Variants in DPP10 observed in about 807,000 individuals in gnomAD.
DPP10 encodes inactive dipeptidyl peptidase 10.
In DPP10, 33 loss-of-function variants were observed where a neutral mutation model predicts 120.9. That is an observed-to-expected ratio of 0.27 (90% CI 0.21 to 0.37). The LOEUF (loss-of-function observed/expected upper bound fraction) is 0.37, where lower values mean the gene tolerates loss of function less well. Ranked by LOEUF, DPP10 falls within the 10% of genes least tolerant of loss-of-function variation. DPP10 has a pLI of 1.00. For missense variants in DPP10, 816 were observed against 942.8 expected (o/e 0.87, Z 1.76); for synonymous variants, 337 against 326.1 (o/e 1.03, Z -0.36).
At chr2:115,670,529 G>T (rs947355084) in intron 5 of DPP10, among the ~76,000 whole-genome samples, 2 of 152,036 alleles carry the variant, frequency 1.3e-5, no homozygotes, top group Non-Finnish European at 2.9e-5. Context: ...GTCTTTTATT[G>T]TAGGTTGCAA....
chr2:115,510,109 A>C (rs950380909), intron 4 of DPP10, among the ~76,000 whole-genome samples: 1 of 152,144 alleles, frequency 6.6e-6, no homozygotes, highest in Non-Finnish European at 1.5e-5. Context: ...ATTCCTTGTC[A>C]GATACATAAG....
intron 1 of DPP10, among the ~76,000 whole-genome samples, chr2:114,683,756 C>G (rs988543280): frequency 1.3e-5 from 2 of 151,826 alleles, no homozygotes; most frequent in African/African-American, 4.8e-5. Context: ...TCTCCCCTCC[C>G]GTCTTGGATT....
chr2:115,231,523 G>A (rs181093796), intron 1 of DPP10, among the ~76,000 whole-genome samples: 1 of 152,176 alleles, frequency 6.6e-6, no homozygotes, highest in East Asian at 1.9e-4. Context: ...CTTAGTCCAA[G>A]TACCTTATTT....
intron 1 of DPP10, among the ~76,000 whole-genome samples, chr2:114,473,118 T>G (rs1680069715): frequency 6.6e-6 from 1 of 152,228 alleles, no homozygotes; most frequent in Admixed American, 6.5e-5. Flanking sequence ...CCTTTGGCCT[T>G]ATTCAACTAG....
chr2:115,204,085 G>A (rs2055941403), intron 1 of DPP10, among the ~76,000 whole-genome samples: 1 of 151,654 alleles, frequency 6.6e-6, no homozygotes, highest in Admixed American at 6.6e-5. Context: ...GATTTGACTT[G>A]ATTTTAGGCT....
chr2:115,111,240 C>CT (rs371558664), intron 1 of DPP10, among the ~76,000 whole-genome samples: 1,443 of 142,580 alleles, frequency 0.01, 7 homozygotes, highest in Non-Finnish European at 0.015. Context: ...GGTGTTTTTG[C>CT]TTTTTTTTTT....
intron 3 of DPP10, among the ~76,000 whole-genome samples, chr2:115,349,805 A>T (rs528910159): frequency 3.3e-5 from 5 of 152,104 alleles, no homozygotes; most frequent in Non-Finnish European, 7.4e-5. Flanking sequence ...TTGTCCATCA[A>T]CTTCACTTGG....
At chr2:114,835,316 C>T (rs201222057) in intron 1 of DPP10, 1 of 151,692 alleles carries the variant, frequency 6.6e-6, no homozygotes, top group Non-Finnish European at 1.5e-5. Context: ...GACATATCTA[C>T]ACACCTATGT....
chr2:114,734,890 G>T (rs1270706953), intron 1 of DPP10, among the ~76,000 whole-genome samples: 1 of 152,138 alleles, frequency 6.6e-6, no homozygotes, highest in Non-Finnish European at 1.5e-5. Flanking sequence ...CAAAGTTCTG[G>T]ATGTTGGAAG....
At chr2:114,872,912 T>A (rs900930667) in intron 1 of DPP10, among the ~76,000 whole-genome samples, 1 of 152,196 alleles carries the variant, frequency 6.6e-6, no homozygotes, top group Non-Finnish European at 1.5e-5. Context: ...TTGATTCACA[T>A]TCTCCAAGCC....
intron 1 of DPP10, among the ~76,000 whole-genome samples, chr2:115,266,807 T>G (rs984720823): frequency 2.0e-5 from 3 of 152,224 alleles, no homozygotes; most frequent in Admixed American, 1.3e-4. Context: ...TATTTATAAT[T>G]GCTGTATAGT....
At chr2:114,657,371 C>T (rs373284843) in intron 1 of DPP10, among the ~76,000 whole-genome samples, 3 of 152,074 alleles carry the variant, frequency 2.0e-5, no homozygotes, top group East Asian at 3.9e-4. Context: ...TTCAGTGTAC[C>T]CTTTCCTAAC....
At chr2:114,948,866 C>A (rs1447589891) in intron 1 of DPP10, among the ~76,000 whole-genome samples, 1 of 151,926 alleles carries the variant, frequency 6.6e-6, no homozygotes. Flanking sequence ...AAAGGAGAAG[C>A]AAGCACCTCC....
intron 1 of DPP10, among the ~76,000 whole-genome samples, chr2:114,492,709 T>C (rs565437839): frequency 1.4e-3 from 220 of 152,292 alleles, no homozygotes; most frequent in African/African-American, 4.7e-3. Context: ...TTATATCAAA[T>C]TGGATAGTGT....
At chr2:114,967,442 T>C (rs1415182949) in intron 1 of DPP10, among the ~76,000 whole-genome samples, 1 of 152,048 alleles carries the variant, frequency 6.6e-6, no homozygotes, top group Admixed American at 6.6e-5. Context: ...GGATTCTCAG[T>C]GAAATTTGAA....
intron 1 of DPP10, among the ~76,000 whole-genome samples, chr2:114,884,074 T>C (rs773699104): frequency 1.3e-5 from 2 of 152,126 alleles, no homozygotes; most frequent in Non-Finnish European, 2.9e-5. Flanking sequence ...TACAAGTGAG[T>C]TATTAAATTA....
At chr2:114,505,652 C>T (rs1683584777) in intron 1 of DPP10, among the ~76,000 whole-genome samples, 1 of 152,186 alleles carries the variant, frequency 6.6e-6, no homozygotes, top group African/African-American at 2.4e-5. Flanking sequence ...CAAATAATGG[C>T]ATCAAGGCAC....
At chr2:114,973,910 A>G (rs1355646232) in intron 1 of DPP10, among the ~76,000 whole-genome samples, 1 of 152,104 alleles carries the variant, frequency 6.6e-6, no homozygotes, top group African/African-American at 2.4e-5. Context: ...AAAGAAAAAA[A>G]CTAAAATAAA....
intron 1 of DPP10, among the ~76,000 whole-genome samples, chr2:115,046,709 A>T (rs1254288181): frequency 6.6e-6 from 1 of 152,138 alleles, no homozygotes; most frequent in Non-Finnish European, 1.5e-5. Flanking sequence ...AATATTATGG[A>T]GTGAAGAACA....
Sources: gnomAD v4.1 joint callset for allele counts (sites outside exome capture counted in the v4.1 genomes callset) on GRCh38, gnomAD v4.1.1 for gene constraint, MANE v1.5 for transcripts, NCBI Gene and HGNC (gene_info 2026-07-23, HGNC 2026-07-21) for gene names.